The following KDM5B variants were observed in gnomAD, a reference collection of about 807,000 sequenced individuals.
KDM5B encodes lysine-specific demethylase 5B.
KDM5B carries 144 observed loss-of-function variants against 193.4 expected under a neutral mutation model. That is an observed-to-expected ratio of 0.74 (90% CI 0.65 to 0.86). The LOEUF (loss-of-function observed/expected upper bound fraction) is 0.86, where lower values mean the gene tolerates loss of function less well. KDM5B is among the 40% of genes least tolerant of loss of function. KDM5B has a pLI of 0.00. For synonymous variants in KDM5B, 668 were observed against 682.6 expected, an observed-to-expected ratio of 0.98 and a Z score of 0.33; for missense variants, 1,833 against 1,886.9, an observed-to-expected ratio of 0.97 and a Z score of 0.53.
intron 12 of KDM5B, among the ~76,000 whole-genome samples, chr1:202,752,491 G>T (rs1381318189): frequency 6.6e-6 from 1 of 152,168 alleles, no homozygotes; most frequent in African/African-American, 2.4e-5. Context: ...ACCTAGCAAC[G>T]CATTTCTCAG....
chr1:202,774,609 T>C lies in KDM5B; in HGVS notation c.405+4A>G, dbSNP rs754358952. On this transcript the variant is annotated splice_donor_region_variant and intron_variant, in intron 3 of 26. Transcript: ENST00000367265. ...AATAAGTAAGATGGTCATTAGCTCT[T>C]TACCTTATTAAGCTGAAATAAGTCC... The C allele has an allele frequency of 5.0e-6, 8 of 1,608,832 alleles. No individual in the cohort carries two copies. The Admixed American group carries it at 5.1e-5, about 10-fold the overall frequency.
intron 8 of KDM5B, 40 bp from the exon 9 acceptor site, chr1:202,758,550 A>C: frequency 6.5e-7 from 1 of 1,541,586 alleles, no homozygotes; most frequent in Non-Finnish European, 8.9e-7. Context: ...GACACTGAAA[A>C]CATCAAGTAT....
At chr1:202,759,420 A>G (rs191698328) in intron 8 of KDM5B, among the ~76,000 whole-genome samples, 122 of 152,148 alleles carry the variant, frequency 8.0e-4, no homozygotes, top group African/African-American at 2.9e-3. Context: ...GCAAGCCTGT[A>G]GTCCCAGCTA....
At position 202,733,036 on chromosome 1, in the gene KDM5B, A is replaced by G. The variant is rs138823582; in HGVS notation, c.3909+365T>C. ...TTTCCCTTTCTACTAATTGACTTAC[A>G]TGAGAAGAAGCAGGGTAAAAAACTT... is the stretch of plus-strand genomic sequence containing the variant. On this transcript the variant is annotated intron_variant, in intron 23 of 26. Transcript: ENST00000367265. 1.4e-3 allele frequency among the ~76,000 whole-genome samples: 210 copies of G among 152,368 alleles called. 1 individual carries two copies. Among genetic ancestry groups the G allele is most frequent in the African/African-American group, 4.9e-3 (204 of 41,588 alleles).
intron 3 of KDM5B, among the ~76,000 whole-genome samples, chr1:202,774,106 A>C (rs1656836958): frequency 6.6e-6 from 1 of 152,206 alleles, no homozygotes; most frequent in African/African-American, 2.4e-5. Context: ...AAAAAGAAAT[A>C]GCTTGCAGAA....
chr1:202,761,679 C>T (rs565450298), intron 7 of KDM5B, among the ~76,000 whole-genome samples: 100 of 152,218 alleles, frequency 6.6e-4, no homozygotes, highest in Non-Finnish European at 1.1e-3. Flanking sequence ...AGAGGAAAGA[C>T]CATGTGAAAG....
At chr1:202,768,260 G>A (rs1487132279) in intron 4 of KDM5B, among the ~76,000 whole-genome samples, 2 of 152,128 alleles carry the variant, frequency 1.3e-5, no homozygotes, top group Non-Finnish European at 2.9e-5. Flanking sequence ...TATTGCCACC[G>A]AAGCTAATAT....
intron 13 of KDM5B, among the ~76,000 whole-genome samples, chr1:202,749,820 C>G (rs1458836216): frequency 6.6e-6 from 1 of 152,092 alleles, no homozygotes; most frequent in East Asian, 1.9e-4. Context: ...CTCTGAAAAA[C>G]TACTTAATGG....
chr1:202,797,799 A>G (rs1007088586), intron 1 of KDM5B, among the ~76,000 whole-genome samples: 1 of 152,244 alleles, frequency 6.6e-6, no homozygotes, highest in African/African-American at 2.4e-5. Flanking sequence ...ACTCCTGCCT[A>G]TATACATGCA....
At chr1:202,789,489 A>G (rs756092839) in intron 1 of KDM5B, among the ~76,000 whole-genome samples, 2 of 147,456 alleles carry the variant, frequency 1.4e-5, no homozygotes, top group Non-Finnish European at 3.0e-5. Flanking sequence ...GTGAACTGAG[A>G]TGGCGCCACT....
At chr1:202,770,685 T>TA (rs1218607373) in intron 4 of KDM5B, among the ~76,000 whole-genome samples, 11 of 152,140 alleles carry the variant, frequency 7.2e-5, no homozygotes, top group African/African-American at 1.2e-4. Context: ...ATATGATTAG[T>TA]AAAAAAACCT....
chr1:202,799,908 T>C (rs1316871049), intron 1 of KDM5B, among the ~76,000 whole-genome samples: 1 of 152,218 alleles, frequency 6.6e-6, no homozygotes, highest in Non-Finnish European at 1.5e-5. Flanking sequence ...GAGAAGTCTT[T>C]AGATTTTAAG....
At chr1:202,774,762 T>A (rs369751033) in intron 2 of KDM5B, 27 bp from the exon 3 acceptor site, 1 of 1,606,926 alleles carries the variant, frequency 6.2e-7, no homozygotes, top group Non-Finnish European at 8.5e-7. Flanking sequence ...TGAGTTTTCA[T>A]CTCATTTAGC....
At chr1:202,734,348 A>G (rs1428107118) in intron 22 of KDM5B, among the ~76,000 whole-genome samples, 1 of 94,246 alleles carries the variant, frequency 1.1e-5, no homozygotes, top group East Asian at 4.2e-4. Flanking sequence ...ACCTTTGGGT[A>G]TATTAAAAAA....
Position 202,746,342 on chromosome 1 carries a change from TAG to T in KDM5B, c.2017-21_2017-20del. ...TCACTCCCTAGAATAAAGTATACTT[TAG>T]AGAGACCTCCAAAGGATAATATAAT... On this transcript the variant is annotated intron_variant, in intron 14 of 26. Transcript: ENST00000367265. The T allele has an allele frequency of 1.9e-6, 3 of 1,547,962 alleles. No homozygotes were observed. The highest frequency in any genetic ancestry group is 2.6e-6 in the Non-Finnish European group (3 of 1,139,394).
intron 26 of KDM5B, 101 bp from the exon 27 acceptor site, chr1:202,729,274 C>T: frequency 7.8e-7 from 1 of 1,283,658 alleles, no homozygotes; most frequent in Non-Finnish European, 1.1e-6. Flanking sequence ...CCAATAACAG[C>T]CACTGTCCCA....
Position 202,729,808 on chromosome 1 carries a change from G to A in KDM5B, c.4396C>T (p.His1466Tyr). Reference sequence around the variant, plus strand: ...TAGGATGTGTCTGAGGGCAGGGAATGAGTTTCAGCAGAACGAACTAATTCA... The same window carrying A: ...TAGGATGTGTCTGAGGGCAGGGAATAAGTTTCAGCAGAACGAACTAATTCA... ...SYELVRSAETHSLPSDTSYSE... is the reference protein window; with the variant it reads ...SYELVRSAETYSLPSDTSYSE... The change falls in exon 26 of 27, where the codon CAT becomes TAT. Residue 1466 changes from histidine (H) to tyrosine (Y), a missense_variant. Physicochemically the swap from His to Tyr is moderately conservative, Grantham distance 83. Coordinates refer to ENST00000367265, the MANE Select transcript of KDM5B (RefSeq NM_006618.5). The A allele has an allele frequency of 6.2e-7, 1 of 1,614,128 alleles. No homozygotes were observed.
intron 1 of KDM5B, among the ~76,000 whole-genome samples, chr1:202,790,219 C>T (rs570846668): frequency 2.0e-5 from 3 of 151,084 alleles, no homozygotes; most frequent in South Asian, 2.1e-4. Flanking sequence ...GCCGAGATCA[C>T]GCCACTGCAC....
Position 202,740,365 on chromosome 1 carries a change from C to T in KDM5B, c.3084+309G>A, listed in dbSNP as rs571083233. 3.3e-4 allele frequency among the ~76,000 whole-genome samples: 43 copies of T among 131,954 alleles called. 2 individuals carry two copies. The highest frequency in any genetic ancestry group is 9.4e-4 in the African/African-American group (36 of 38,224). 86.6% of individuals were successfully genotyped at this position (131,954 alleles called of 152,430 possible). On this transcript the variant is annotated intron_variant, in intron 20 of 26. Transcript: ENST00000367265. ...TGGCCGGCCGGGCGGGGGGCTGACC[C>T]CCCCACCTCCCTCCCGGACAGGGCA...
Sources: allele counts gnomAD v4.1 joint callset (sites outside exome capture counted in the v4.1 genomes callset), GRCh38; gene constraint gnomAD v4.1.1; transcripts MANE v1.5; gene names NCBI Gene and HGNC (gene_info 2026-07-23, HGNC 2026-07-21).